The following NOL10 variants were observed in gnomAD, a reference collection of about 807,000 sequenced individuals.
The protein encoded by NOL10 is nucleolar protein 10.
NOL10 carries 58 observed loss-of-function variants against 103.5 expected under a neutral mutation model. That is an observed-to-expected ratio of 0.56 (90% CI 0.45 to 0.70). NOL10 has a LOEUF of 0.70. NOL10 is among the 30% of genes least tolerant of loss of function. The probability of loss-of-function intolerance (pLI) is 0.00; values close to 1 mark genes in which losing one functional copy is unlikely to be tolerated. For synonymous variants in NOL10, 287 were observed against 282.5 expected (o/e 1.02, Z -0.16); for missense variants, 763 against 807.3 (o/e 0.95, Z 0.67).
intron 17 of NOL10, among the ~76,000 whole-genome samples, chr2:10,597,725 C>G (rs1240625101): frequency 6.6e-6 from 1 of 152,202 alleles, no homozygotes; most frequent in African/African-American, 2.4e-5. Flanking sequence ...GCACATTTTA[C>G]AAATAGTACT....
At chr2:10,682,465 T>C (rs956587844) in intron 2 of NOL10, among the ~76,000 whole-genome samples, 6 of 148,714 alleles carry the variant, frequency 4.0e-5, no homozygotes, top group African/African-American at 1.5e-4. Context: ...AGTGGCACAA[T>C]CATGGCTCAC....
At chr2:10,585,675 A>G (rs1674990682) in intron 19 of NOL10, among the ~76,000 whole-genome samples, 1 of 152,240 alleles carries the variant, frequency 6.6e-6, no homozygotes, top group Admixed American at 6.5e-5. Context: ...CTTGGATACT[A>G]AAATCCATGG....
intron 19 of NOL10, among the ~76,000 whole-genome samples, chr2:10,579,272 T>C (rs1250907290): frequency 6.6e-6 from 1 of 152,256 alleles, no homozygotes; most frequent in Non-Finnish European, 1.5e-5. Flanking sequence ...GTACTTTTCA[T>C]CTTCAAAGTT....
intron 16 of NOL10, among the ~76,000 whole-genome samples, chr2:10,601,802 TC>T (rs1675987469): frequency 6.6e-6 from 1 of 152,074 alleles, no homozygotes; most frequent in Admixed American, 6.5e-5. Flanking sequence ...CAAAGCAAGA[TC>T]CTGTCTCAAA....
chr2:10,645,532 C>CTT (rs33945473), intron 12 of NOL10, among the ~76,000 whole-genome samples: 5 of 131,720 alleles, frequency 3.8e-5, no homozygotes, highest in African/African-American at 8.6e-5. Context: ...TCAATACTAT[C>CTT]TTTTTTTTTT....
chr2:10,635,807 T>C (rs1011540862), intron 13 of NOL10, among the ~76,000 whole-genome samples: 1 of 152,252 alleles, frequency 6.6e-6, no homozygotes, highest in African/African-American at 2.4e-5. Context: ...GTTGGTCTCC[T>C]ACATTTACTT....
chr2:10,589,544 A>G, intron 18 of NOL10, 34 bp downstream of exon 18: 1 of 1,467,502 alleles, frequency 6.8e-7, no homozygotes, highest in Non-Finnish European at 9.1e-7. Context: ...TTAAAGAAAC[A>G]GTAGCAAATT....
intron 17 of NOL10, among the ~76,000 whole-genome samples, chr2:10,591,723 T>C (rs1464745055): frequency 2.6e-5 from 4 of 151,946 alleles, no homozygotes; most frequent in Admixed American, 2.6e-4. Context: ...ATGACAGAAC[T>C]GGCCAGGTGG....
rs1232071538 is a variant in NOL10 at position 10,613,251 on chromosome 2, A to C, written c.1027-5940T>G. Among the ~76,000 whole-genome samples, 3 of 152,366 alleles carry C rather than the reference A, an allele frequency of 2.0e-5. No homozygotes were observed. The East Asian group carries it at 5.8e-4, about 29-fold the overall frequency. On this transcript the variant is annotated intron_variant, in intron 13 of 20. Transcript: ENST00000381685. ...AACCCAAAAGGAACAGAGTTGTTTCAAATACAGCAATACTTATGTGGAAGG... is the reference window on the plus strand; with the variant it reads ...AACCCAAAAGGAACAGAGTTGTTTCCAATACAGCAATACTTATGTGGAAGG...
Position 10,631,384 on chromosome 2 carries a change from A to G in NOL10, c.1026+12936T>C, listed in dbSNP as rs567509736. Among the ~76,000 whole-genome samples, 14 of 152,328 alleles carry G rather than the reference A, an allele frequency of 9.2e-5. 1 individual carries two copies. Among genetic ancestry groups the G allele is most frequent in the Middle Eastern group, 6.8e-3 (2 of 294 alleles). On this transcript the variant is annotated intron_variant, in intron 13 of 20. Transcript: ENST00000381685. ...TTCTTTTCAATCTTTAAAACATACAATAAGGCTGTCATACTCTAGATGCAA... is the reference window on the plus strand; with the variant it reads ...TTCTTTTCAATCTTTAAAACATACAGTAAGGCTGTCATACTCTAGATGCAA...
intron 14 of NOL10, chr2:10,604,805 T>C (rs1045693369): frequency 3.3e-5 from 5 of 152,196 alleles, no homozygotes; most frequent in African/African-American, 1.2e-4. Context: ...CATGGATCAC[T>C]AGTCCCAAGA....
At chr2:10,601,773 T>C (rs1675986247) in intron 16 of NOL10, among the ~76,000 whole-genome samples, 1 of 152,176 alleles carries the variant, frequency 6.6e-6, no homozygotes, top group African/African-American at 2.4e-5. Flanking sequence ...ATCATGCCAC[T>C]GTACTCCACC....
intron 17 of NOL10, among the ~76,000 whole-genome samples, chr2:10,598,653 G>T (rs1167364046): frequency 6.6e-6 from 1 of 152,180 alleles, no homozygotes; most frequent in Non-Finnish European, 1.5e-5. Flanking sequence ...AACGTCAAAA[G>T]AGCAAAGGAT....
At chr2:10,677,471 T>C (rs545492834) in intron 3 of NOL10, among the ~76,000 whole-genome samples, 1 of 151,520 alleles carries the variant, frequency 6.6e-6, no homozygotes, top group Non-Finnish European at 1.5e-5. Context: ...TTGGTGTTTT[T>C]TTTTTTTTTC....
intron 19 of NOL10, among the ~76,000 whole-genome samples, chr2:10,586,866 CCT>C (rs1486992290): frequency 1.3e-5 from 2 of 150,152 alleles, no homozygotes; most frequent in Admixed American, 6.7e-5. Flanking sequence ...GTAATTGACC[CCT>C]GACTGTTAAA....
chr2:10,679,745 C>T (rs1277665666), intron 3 of NOL10, among the ~76,000 whole-genome samples: 1 of 152,050 alleles, frequency 6.6e-6, no homozygotes, highest in Non-Finnish European at 1.5e-5. Flanking sequence ...CATGCCTCAG[C>T]CTCCAAGTAG....
intron 7 of NOL10, among the ~76,000 whole-genome samples, chr2:10,668,229 T>G (rs971611783): frequency 1.3e-4 from 20 of 152,210 alleles, no homozygotes; most frequent in African/African-American, 4.8e-4. Flanking sequence ...TTTTGCTGCA[T>G]AGTACATATG....
At chr2:10,654,702 A>T (rs1370721761) in intron 11 of NOL10, among the ~76,000 whole-genome samples, 155 bp from the exon 12 acceptor site, 5 of 152,186 alleles carry the variant, frequency 3.3e-5, no homozygotes, top group African/African-American at 1.2e-4. Flanking sequence ...AATCTTAGAG[A>T]ATTTATCTTA....
In NOL10 at chr2:10,657,908, T is replaced by G. The variant is rs892292975; in HGVS notation, c.757-17A>C. 4 of 1,498,330 alleles carry G rather than the reference T, an allele frequency of 2.7e-6. No individual in the cohort carries two copies. In the African/African-American group the frequency reaches 5.6e-5, roughly 21 times the overall value. The allele number at this position is 1,498,330 out of a possible 1,614,324, so 92.8% of individuals were successfully genotyped here. ...TAATAAAACCTGAAAAAAAATTATT[T>G]CTGTTTAAACAAACTAGACATTTTA... On this transcript the variant is annotated splice_polypyrimidine_tract_variant and intron_variant, in intron 10 of 20. Coordinates refer to ENST00000381685, the MANE Select transcript of NOL10 (RefSeq NM_024894.4).
Sources: gnomAD v4.1 joint callset for allele counts (sites outside exome capture counted in the v4.1 genomes callset) on GRCh38, gnomAD v4.1.1 for gene constraint, MANE v1.5 for transcripts, NCBI Gene and HGNC (gene_info 2026-07-23, HGNC 2026-07-21) for gene names.